GOPC: variants seen among roughly 807,000 people sequenced by gnomAD.
GOPC encodes golgi associated PDZ and coiled-coil motif containing, also known as Golgi-associated PDZ and coiled-coil motif-containing protein.
In GOPC, 32 loss-of-function variants were observed where a neutral mutation model predicts 51.2. That is an observed-to-expected ratio of 0.63 (90% CI 0.47 to 0.84). The LOEUF (loss-of-function observed/expected upper bound fraction) is 0.84, where lower values mean the gene tolerates loss of function less well. GOPC is among the 40% of genes least tolerant of loss of function. The pLI, the probability that GOPC is intolerant of heterozygous loss-of-function variation, is 0.00. For missense variants in GOPC, 441 were observed against 555.5 expected (o/e 0.79, Z 2.07); for synonymous variants, 190 against 205.1 (o/e 0.93, Z 0.63).
At chr6:117,563,983 C>CT (rs1223276650) in intron 8 of GOPC, among the ~76,000 whole-genome samples, 22 of 117,890 alleles carry the variant, frequency 1.9e-4, no homozygotes, top group Middle Eastern at 4.3e-3. Flanking sequence ...TTTTTTTTTT[C>CT]TTTTTTTTTT....
intron 1 of GOPC, 71 bp from the exon 2 acceptor site, chr6:117,579,135 A>T: frequency 8.2e-7 from 1 of 1,226,674 alleles, no homozygotes; most frequent in Non-Finnish European, 1.1e-6. Context: ...ATTGTTATTC[A>T]AGAATGACAA....
At chr6:117,576,486 C>G (rs1217795174) in intron 3 of GOPC, among the ~76,000 whole-genome samples, 1 of 152,052 alleles carries the variant, frequency 6.6e-6, no homozygotes, top group Non-Finnish European at 1.5e-5. Context: ...TTTCTTATGA[C>G]ATGTTAAAGT....
chr6:117,569,782 A>G, intron 6 of GOPC, 46 bp from the exon 7 acceptor site: 1 of 1,502,906 alleles, frequency 6.7e-7, no homozygotes, highest in Non-Finnish European at 8.9e-7. Flanking sequence ...TTTGTAAGGT[A>G]CAGTTACCGA....
In GOPC at chr6:117,560,270, T is replaced by A. The variant is rs1162257852; in HGVS notation, c.*2984A>T. 5.8e-6 allele frequency: 1 copy of A among 173,224 alleles called. No individual in the cohort carries two copies. Among genetic ancestry groups the A allele is most frequent in the East Asian group, 1.0e-4 (1 of 9,708 alleles). The allele number at this position is 173,224 out of a possible 1,614,324, so 10.7% of individuals were successfully genotyped here. Reference sequence around the variant, plus strand: ...AGAAATAAATAACAAGCCAAAATATTTAACGTCAAGGAAACAAAATGTTTA... The same window carrying A: ...AGAAATAAATAACAAGCCAAAATATATAACGTCAAGGAAACAAAATGTTTA... On this transcript the variant is annotated 3_prime_UTR_variant, in exon 9 of 9. Coordinates refer to ENST00000368498, the MANE Select transcript of GOPC (RefSeq NM_020399.4).
intron 7 of GOPC, among the ~76,000 whole-genome samples, chr6:117,567,655 A>G (rs1399425484): frequency 6.6e-6 from 1 of 152,078 alleles, no homozygotes; most frequent in Non-Finnish European, 1.5e-5. Context: ...AGTAATTACT[A>G]TATTTATATA....
chr6:117,590,143 T>G (rs148801640), intron 1 of GOPC, among the ~76,000 whole-genome samples: 2 of 152,238 alleles, frequency 1.3e-5, no homozygotes, highest in African/African-American at 2.4e-5. Context: ...TGAAGATTTA[T>G]AGCAGAACAC....
chr6:117,568,067 C>CA (rs1270321929), intron 7 of GOPC, among the ~76,000 whole-genome samples: 1 of 149,820 alleles, frequency 6.7e-6, no homozygotes, highest in Non-Finnish European at 1.5e-5. Context: ...GCCATGGTGG[C>CA]AGGCATCTGT....
chr6:117,584,157 CT>C (rs1188084665), intron 1 of GOPC, among the ~76,000 whole-genome samples: 1 of 152,158 alleles, frequency 6.6e-6, no homozygotes, highest in East Asian at 1.9e-4. Context: ...TTTTCCTATT[CT>C]CTCATTCCAC....
At chr6:117,592,068 A>T (rs1780126361) in intron 1 of GOPC, among the ~76,000 whole-genome samples, 1 of 152,176 alleles carries the variant, frequency 6.6e-6, no homozygotes, top group Non-Finnish European at 1.5e-5. Context: ...TAGGGCTGTT[A>T]CAAAAAATTA....
intron 4 of GOPC, among the ~76,000 whole-genome samples, chr6:117,574,346 A>G (rs185794187): frequency 1.3e-5 from 2 of 152,336 alleles, no homozygotes; most frequent in Admixed American, 1.3e-4. Context: ...ATGTGACATT[A>G]AAAGAATATG....
Position 117,562,361 on chromosome 6 carries a change from C to T in GOPC, c.*893G>A, listed in dbSNP as rs183970139. The T allele has an allele frequency of 1.2e-3, 244 of 198,914 alleles. 1 individual carries two copies. The highest frequency in any genetic ancestry group is 5.3e-3 in the African/African-American group (232 of 43,568). 12.3% of individuals were successfully genotyped at this position (198,914 alleles called of 1,614,324 possible). ...ACATAGTAATAAATCTGAACTTTTA[C>T]TACCAGAAAAATTTGTCTTTAAGTG... On this transcript the variant is annotated 3_prime_UTR_variant, in exon 9 of 9. Transcript: ENST00000368498.
Position 117,563,130 on chromosome 6 carries a change from G to T in GOPC, c.*124C>A. 1 of 813,844 alleles carries T rather than the reference G, an allele frequency of 1.2e-6. No individual in the cohort carries two copies. The highest frequency in any genetic ancestry group is 2.0e-6 in the Non-Finnish European group (1 of 500,050). 50.4% of individuals were successfully genotyped at this position (813,844 alleles called of 1,614,324 possible). ...AGAATTGTTCACATGAAGCCCTGAG[G>T]TACCCGCCTTTCATTTAGGCAACAA... On this transcript the variant is annotated 3_prime_UTR_variant, in exon 9 of 9. Transcript: ENST00000368498.
chr6:117,599,942 T>C (rs182281847), intron 1 of GOPC, among the ~76,000 whole-genome samples: 198 of 152,332 alleles, frequency 1.3e-3, no homozygotes, highest in Non-Finnish European at 2.1e-3. Context: ...AAATAAAATA[T>C]TGTTTCATTT....
chr6:117,564,788 G>A (rs943715923), intron 8 of GOPC, among the ~76,000 whole-genome samples: 1 of 152,188 alleles, frequency 6.6e-6, no homozygotes, highest in Non-Finnish European at 1.5e-5. Context: ...ACCATATGGA[G>A]AGCAGCCCAA....
chr6:117,595,977 CTG>C (rs1780191489), intron 1 of GOPC, among the ~76,000 whole-genome samples: 1 of 152,164 alleles, frequency 6.6e-6, no homozygotes, highest in African/African-American at 2.4e-5. Context: ...AATCTCCACA[CTG>C]TTTTTCATAG....
At chr6:117,590,877 G>A (rs1308944134) in intron 1 of GOPC, among the ~76,000 whole-genome samples, 1 of 149,986 alleles carries the variant, frequency 6.7e-6, no homozygotes, top group Non-Finnish European at 1.5e-5. Context: ...TTTTGAGAAG[G>A]AGTCTCACGC....
At chr6:117,574,761 A>G (rs1473095950) in intron 4 of GOPC, among the ~76,000 whole-genome samples, 3 of 152,226 alleles carry the variant, frequency 2.0e-5, no homozygotes, top group Non-Finnish European at 1.5e-5. Flanking sequence ...TTCTGAGGAA[A>G]AAGATTAATG....
chr6:117,583,116 A>C (rs1779984171), intron 1 of GOPC, among the ~76,000 whole-genome samples: 1 of 151,938 alleles, frequency 6.6e-6, no homozygotes, highest in African/African-American at 2.4e-5. Context: ...GCTTGCCTAC[A>C]CACTCCCTCC....
chr6:117,602,181 C>A lies in GOPC; in HGVS notation c.108G>T (p.Val36=). The A allele has an allele frequency of 1.2e-6, 2 of 1,612,678 alleles. No homozygotes were observed. Among genetic ancestry groups the A allele is most frequent in the Non-Finnish European group, 1.7e-6 (2 of 1,180,022 alleles). The part of the protein sequence containing the change: ...GGVSMFRWLE[V]LEKEFDKAFV... ...AAGCTTTGTCGAACTCCTTCTCCAG[C>A]ACCTCCAGCCACCGGAACATGGATA... Residue 36 remains valine (V), a synonymous_variant, in exon 1 of 9, where the codon GTG becomes GTT. Coordinates refer to ENST00000368498, the MANE Select transcript of GOPC (RefSeq NM_020399.4).
Sources: allele counts gnomAD v4.1 joint callset (sites outside exome capture counted in the v4.1 genomes callset), GRCh38; gene constraint gnomAD v4.1.1; transcripts MANE v1.5; gene names NCBI Gene and HGNC (gene_info 2026-07-23, HGNC 2026-07-21).